The following PROSER2 variants were observed in gnomAD, a reference collection of about 807,000 sequenced individuals.
PROSER2 encodes proline and serine-rich protein 2.
A neutral mutation model predicts 14.6 loss-of-function variants in PROSER2; 18 were observed. The ratio of observed to expected loss-of-function variants is 1.23; its 90% confidence interval spans 0.85 to 1.83. The LOEUF (loss-of-function observed/expected upper bound fraction) is 1.83, where lower values mean the gene tolerates loss of function less well. Ranked by LOEUF, PROSER2 falls within the 40% of genes most tolerant of loss-of-function variation. The probability of loss-of-function intolerance (pLI) is 0.00; values close to 1 mark genes in which losing one functional copy is unlikely to be tolerated. For missense variants in PROSER2, 823 were observed against 629.8 expected, an observed-to-expected ratio of 1.31 and a Z score of -3.28; for synonymous variants, 367 against 286.4, an observed-to-expected ratio of 1.28 and a Z score of -2.84.
Position 11,870,336 on chromosome 10 carries a change from G to T in PROSER2, c.1238G>T (p.Gly413Val), listed in dbSNP as rs1564316902. Residue 413 changes from glycine to valine, a missense_variant, in exon 4 of 4, where the codon GGC becomes GTC. By Grantham distance (109) the Gly-to-Val change is moderately radical. Coordinates refer to ENST00000277570, the MANE Select transcript of PROSER2 (RefSeq NM_153256.4). ...RPQGITVQFA[G>V]RGSSEEARRE... ...CAGGGCATCACCGTGCAGTTCGCGG[G>T]CCGCGGCTCCTCGGAGGAGGCGCGC... is the stretch of plus-strand genomic sequence containing the variant. 3.3e-6 allele frequency: 5 copies of T among 1,505,862 alleles called. No individual in the cohort carries two copies. Among genetic ancestry groups the T allele is most frequent in the Admixed American group, 4.4e-5 (2 of 45,056 alleles). The allele number at this position is 1,505,862 out of a possible 1,614,324, so 93.3% of individuals were successfully genotyped here.
intron 1 of PROSER2, among the ~76,000 whole-genome samples, chr10:11,828,322 A>G (rs1160756234): frequency 2.0e-5 from 3 of 150,598 alleles, no homozygotes; most frequent in South Asian, 2.1e-4. Context: ...AAAAAAGTCT[A>G]TACTCCTTTG....
At chr10:11,840,955 A>C (rs12782551) in intron 1 of PROSER2, among the ~76,000 whole-genome samples, 2 of 18,888 alleles carry the variant, frequency 1.1e-4, no homozygotes, top group Non-Finnish European at 1.8e-4. Context: ...AAAAAAAAAA[A>C]ATATATATAT....
At chr10:11,846,254 T>C (rs1833922207) in intron 1 of PROSER2, among the ~76,000 whole-genome samples, 1 of 152,214 alleles carries the variant, frequency 6.6e-6, no homozygotes, top group Non-Finnish European at 1.5e-5. Flanking sequence ...CCCATAGTGC[T>C]GGGATTACAG....
chr10:11,870,194 C>T lies in PROSER2; in HGVS notation c.1096C>T (p.Leu366Phe), dbSNP rs1197015209. The T allele has an allele frequency of 1.1e-5, 16 of 1,488,942 alleles. No individual in the cohort carries two copies. Among genetic ancestry groups the T allele is most frequent in the Admixed American group, 2.2e-5 (1 of 45,272 alleles). 92.2% of individuals were successfully genotyped at this position (1,488,942 alleles called of 1,614,324 possible). Residue 366 changes from leucine (L) to phenylalanine (F), a missense_variant, in exon 4 of 4, where the codon CTC becomes TTC. Transcript: ENST00000277570. ...CTCCTTCGCGCCCGCTGGGAAGTCC[C>T]TCTGCTTCCGCCCTGGCCCGGCCCT... ...PSSFAPAGKS[L>F]CFRPGPALPS...
intron 1 of PROSER2, chr10:11,850,585 G>C (rs1834001825): frequency 6.6e-6 from 1 of 152,210 alleles, no homozygotes; most frequent in Non-Finnish European, 1.5e-5. Context: ...ATTTGGAATA[G>C]TGGCAACTTT....
chr10:11,847,368 T>C (rs1162824448), intron 1 of PROSER2, among the ~76,000 whole-genome samples: 3 of 152,140 alleles, frequency 2.0e-5, no homozygotes, highest in Non-Finnish European at 2.9e-5. Flanking sequence ...CCTTAGTTGA[T>C]GGAGTCAGTG....
In PROSER2 at chr10:11,866,855, G is replaced by A. The variant is rs910202419; in HGVS notation, c.391+72G>A. 1.3e-6 allele frequency: 2 copies of A among 1,503,750 alleles called. No individual in the cohort carries two copies. The highest frequency in any genetic ancestry group is 4.6e-5 in the East Asian group (2 of 43,842). The allele number at this position is 1,503,750 out of a possible 1,614,324, so 93.2% of individuals were successfully genotyped here. A position where few individuals can be genotyped will look rare whatever the true frequency, so the allele number is the denominator to read the frequency against. On this transcript the variant is annotated intron_variant, in intron 3 of 3. Transcript: ENST00000277570. This position sits in a 1 kb window ranked among gnomAD's most constrained non-coding sequence, Gnocchi z 6.0. Reference sequence around the variant, plus strand: ...TGTGAGACCCAGAGATACTTCTTTTGTGTTCCCCTGTGTTTGCCAGTAGAA... The same window carrying A: ...TGTGAGACCCAGAGATACTTCTTTTATGTTCCCCTGTGTTTGCCAGTAGAA...
intron 3 of PROSER2, among the ~76,000 whole-genome samples, chr10:11,868,233 A>T (rs1027227639): frequency 1.3e-5 from 2 of 152,252 alleles, no homozygotes; most frequent in Non-Finnish European, 2.9e-5. Context: ...TTGAAAAATC[A>T]GCTACACCTG....
At position 11,866,744 on chromosome 10, in the gene PROSER2, G is replaced by C. The variant is rs142957936; in HGVS notation, c.352G>C (p.Gly118Arg). The C allele has an allele frequency of 4.3e-6, 7 of 1,613,168 alleles. No individual in the cohort carries two copies. The Admixed American group carries it at 1.2e-4, about 27-fold the overall frequency. ...IDLVQPAPGA[G>R]EAEGLPEGTQ... ...CTTAGTGCAGCCAGCACCTGGCGCCGGGGAAGCCGAGGGCCTTCCAGAGGG... is the reference window on the plus strand; with the variant it reads ...CTTAGTGCAGCCAGCACCTGGCGCCCGGGAAGCCGAGGGCCTTCCAGAGGG... Residue 118 changes from glycine to arginine, a missense_variant, in exon 3 of 4, where the codon GGG (glycine) becomes CGG (arginine). Coordinates refer to ENST00000277570, the MANE Select transcript of PROSER2 (RefSeq NM_153256.4). The surrounding 1 kb of genome is among the most constrained non-coding windows in gnomAD (Gnocchi z 6.0).
At chr10:11,842,087 T>C (rs1341801216) in intron 1 of PROSER2, among the ~76,000 whole-genome samples, 4 of 151,950 alleles carry the variant, frequency 2.6e-5, no homozygotes, top group African/African-American at 9.7e-5. Context: ...CCGGGTATGG[T>C]GACGTGAGCC....
intron 1 of PROSER2, among the ~76,000 whole-genome samples, chr10:11,835,186 G>A (rs1564302414): frequency 1.3e-5 from 2 of 152,080 alleles, no homozygotes; most frequent in South Asian, 4.2e-4. Flanking sequence ...GGTGTGGTAT[G>A]AGTGTTGGTT....
chr10:11,848,159 T>TTTTG (rs199839829), intron 1 of PROSER2, among the ~76,000 whole-genome samples: 16 of 151,848 alleles, frequency 1.1e-4, no homozygotes, highest in East Asian at 1.9e-4. Context: ...TTTGTTTTGT[T>TTTTG]TTTGTTTGTT....
chr10:11,866,152 G>T lies in PROSER2; in HGVS notation c.139-379G>T, dbSNP rs1403119128. Among the ~76,000 whole-genome samples, 1 of 152,142 alleles carries T rather than the reference G, an allele frequency of 6.6e-6. No individual in the cohort carries two copies. On this transcript the variant is annotated intron_variant, in intron 2 of 3. Coordinates refer to ENST00000277570, the MANE Select transcript of PROSER2 (RefSeq NM_153256.4). This position sits in a 1 kb window ranked among gnomAD's most constrained non-coding sequence, Gnocchi z 6.0. ...TTCTGGTGAGAAAGGAGATAAATAT[G>T]TGAGTTCAATCCACCATCTTTAAGC...
At position 11,852,215 on chromosome 10, in the gene PROSER2, G is replaced by A. The variant is rs76119836; in HGVS notation, c.138G>A (p.Leu46=). 1 of 1,600,114 alleles carries A rather than the reference G, an allele frequency of 6.2e-7. No homozygotes were observed. Among genetic ancestry groups the A allele is most frequent in the East Asian group, 2.3e-5 (1 of 44,346 alleles). ...SSSSRSRSFT[L]DDESLKYLTH... ...GCTCTCGCTCCAGAAGCTTCACTTT[G>A]GTGAGTGACAGTTTTTCTTTCATGC... is the stretch of plus-strand genomic sequence containing the variant. The change falls in exon 2 of 4, where the codon TTG becomes TTA. Residue 46 remains leucine, a splice_region_variant and synonymous_variant. Coordinates refer to ENST00000277570, the MANE Select transcript of PROSER2 (RefSeq NM_153256.4).
intron 2 of PROSER2, among the ~76,000 whole-genome samples, chr10:11,860,912 G>C (rs925925070): frequency 4.6e-5 from 7 of 151,952 alleles, no homozygotes; most frequent in African/African-American, 7.3e-5. Flanking sequence ...TCGAGACCAG[G>C]CTGGCCAACA....
chr10:11,836,338 G>A lies in PROSER2; in HGVS notation c.-82+12868G>A, dbSNP rs1046125938. On this transcript the variant is annotated intron_variant, in intron 1 of 3. Coordinates refer to ENST00000277570, the MANE Select transcript of PROSER2 (RefSeq NM_153256.4). This position sits in a 1 kb window ranked among gnomAD's most constrained non-coding sequence, Gnocchi z 4.6. ...CAGCTTCCCAAGTAGTTGGGATTAC[G>A]GGCGCATACCACCACACCCGGCTAA... Among the ~76,000 whole-genome samples the A allele has an allele frequency of 1.1e-4, 17 of 151,990 alleles. No homozygotes were observed. Among genetic ancestry groups the A allele is most frequent in the African/African-American group, 3.4e-4 (14 of 41,488 alleles).
At chr10:11,834,601 A>T (rs1490301672) in intron 1 of PROSER2, among the ~76,000 whole-genome samples, 1 of 150,596 alleles carries the variant, frequency 6.6e-6, no homozygotes, top group East Asian at 2.0e-4. Flanking sequence ...CGGGTATGGT[A>T]GTGCATACCT....
At chr10:11,832,656 G>T (rs575449275) in intron 1 of PROSER2, among the ~76,000 whole-genome samples, 1 of 152,272 alleles carries the variant, frequency 6.6e-6, no homozygotes, top group African/African-American at 2.4e-5. Context: ...CGATTTAAAT[G>T]TATAAATTGG....
intron 1 of PROSER2, among the ~76,000 whole-genome samples, chr10:11,845,023 TTA>T (rs1467704094): frequency 6.6e-6 from 1 of 152,212 alleles, no homozygotes; most frequent in Non-Finnish European, 1.5e-5. Flanking sequence ...GGGATTTTTG[TTA>T]TTACAGACAA....
Sources: allele counts gnomAD v4.1 joint callset (sites outside exome capture counted in the v4.1 genomes callset), GRCh38; gene constraint gnomAD v4.1.1; non-coding constraint Gnocchi (gnomAD v3.1); transcripts MANE v1.5; gene names NCBI Gene and HGNC (gene_info 2026-07-23, HGNC 2026-07-21).